Variants in ELOVL4 observed in about 807,000 individuals in gnomAD.
The protein encoded by ELOVL4 is ELOVL fatty acid elongase 4, also known as very long chain fatty acid elongase 4.
In ELOVL4, 18 loss-of-function variants were observed where a neutral mutation model predicts 42.1. That is an observed-to-expected ratio of 0.43 (90% CI 0.30 to 0.63). The LOEUF (loss-of-function observed/expected upper bound fraction) is 0.63, where lower values mean the gene tolerates loss of function less well. ELOVL4 is among the 30% of genes least tolerant of loss of function. The pLI is 0.15. For missense variants in ELOVL4, 299 were observed against 376.2 expected, an observed-to-expected ratio of 0.79 and a Z score of 1.70; for synonymous variants, 117 against 127.0, an observed-to-expected ratio of 0.92 and a Z score of 0.53.
At chr6:79,933,193 G>A (rs1488712045) in intron 1 of ELOVL4, among the ~76,000 whole-genome samples, 1 of 152,078 alleles carries the variant, frequency 6.6e-6, no homozygotes, top group Non-Finnish European at 1.5e-5. Context: ...AATTTATCAT[G>A]TAGATAATGA....
chr6:79,936,725 T>C (rs966630336), intron 1 of ELOVL4, among the ~76,000 whole-genome samples: 1 of 152,218 alleles, frequency 6.6e-6, no homozygotes, highest in Non-Finnish European at 1.5e-5. Flanking sequence ...AATGTGATGC[T>C]TAATATATTC....
At chr6:79,942,419 T>G (rs1422255961) in intron 1 of ELOVL4, among the ~76,000 whole-genome samples, 1 of 152,168 alleles carries the variant, frequency 6.6e-6, no homozygotes, top group African/African-American at 2.4e-5. Flanking sequence ...AAAGATAGAC[T>G]GTTACACTAC....
At chr6:79,926,454 A>G in intron 1 of ELOVL4, 73 bp from the exon 2 acceptor site, 1 of 1,434,836 alleles carries the variant, frequency 7.0e-7, no homozygotes, top group Non-Finnish European at 9.6e-7. Flanking sequence ...TTTAGGAATC[A>G]AGATGTTTCA....
chr6:79,927,963 C>T (rs1774372034), intron 1 of ELOVL4, among the ~76,000 whole-genome samples: 1 of 152,068 alleles, frequency 6.6e-6, no homozygotes, highest in African/African-American at 2.4e-5. Context: ...CGTTGTGCCA[C>T]GAAGGTCTTA....
rs112603620 is a variant in ELOVL4 at position 79,917,548 on chromosome 6, G to A, written c.670-665C>T. Among the ~76,000 whole-genome samples, 716 of 152,284 alleles carry A rather than the reference G, an allele frequency of 4.7e-3. 10 individuals carry two copies. The highest frequency in any genetic ancestry group is 0.016 in the African/African-American group (680 of 41,554). ...AACTAATATTTTGATGGCCAGGTGC[G>A]ATGGCTCATGCCTGCAATCCCAGCA... On this transcript the variant is annotated intron_variant, in intron 5 of 5. Transcript: ENST00000369816.
intron 3 of ELOVL4, 44 bp downstream of exon 3, chr6:79,924,908 A>C (rs1774318799): frequency 7.8e-7 from 1 of 1,289,570 alleles, no homozygotes. Context: ...GCCTATAAAA[A>C]TCAAACCACT....
chr6:79,939,565 C>T (rs1774608369), intron 1 of ELOVL4, among the ~76,000 whole-genome samples: 1 of 151,364 alleles, frequency 6.6e-6, no homozygotes, highest in South Asian at 2.1e-4. Context: ...ACTCTGTCAC[C>T]CAGGCTGGAG....
At chr6:79,930,246 T>C (rs1213742219) in intron 1 of ELOVL4, among the ~76,000 whole-genome samples, 3 of 152,172 alleles carry the variant, frequency 2.0e-5, no homozygotes, top group African/African-American at 7.2e-5. Flanking sequence ...CAACAACCAC[T>C]TAACAAATCC....
intron 1 of ELOVL4, among the ~76,000 whole-genome samples, chr6:79,936,869 G>A (rs1480566474): frequency 6.6e-6 from 1 of 152,210 alleles, no homozygotes; most frequent in Non-Finnish European, 1.5e-5. Context: ...CCTGAAGGTG[G>A]TGGGTGAAGA....
intron 2 of ELOVL4, 89 bp from the exon 3 acceptor site, chr6:79,925,121 T>G (rs370193604): frequency 7.7e-5 from 67 of 870,480 alleles, no homozygotes; most frequent in African/African-American, 3.5e-4. Context: ...CCTTTCAAAT[T>G]ATTTTAAACA....
chr6:79,938,636 T>G (rs550920103), intron 1 of ELOVL4, among the ~76,000 whole-genome samples: 3 of 152,362 alleles, frequency 2.0e-5, no homozygotes, highest in African/African-American at 7.2e-5. Context: ...TCTACATATA[T>G]TCACATATTT....
At chr6:79,921,534 T>G in intron 4 of ELOVL4, 91 bp downstream of exon 4, 1 of 962,722 alleles carries the variant, frequency 1.0e-6, no homozygotes, top group African/African-American at 1.7e-5. Flanking sequence ...AGTTAAATGG[T>G]AGATCAAGTC....
rs1384800357 is a variant in ELOVL4 at position 79,926,499 on chromosome 6, T to TG, written c.101-119dup. ...CCTAATTTGACTAAATACGGATCAC[T>TG]GTCCTTTGAGTCCCAACAAAAAATA... On this transcript the variant is annotated intron_variant, in intron 1 of 5. Coordinates refer to ENST00000369816, the MANE Select transcript of ELOVL4 (RefSeq NM_022726.4). 5.0e-6 allele frequency: 5 copies of TG among 1,007,932 alleles called. No individual in the cohort carries two copies. The African/African-American group carries it at 8.1e-5, about 16-fold the overall frequency. The allele number at this position is 1,007,932 out of a possible 1,614,324, so 62.4% of individuals were successfully genotyped here. A position where few individuals can be genotyped will look rare whatever the true frequency, so the allele number is the denominator to read the frequency against.
intron 5 of ELOVL4, among the ~76,000 whole-genome samples, chr6:79,918,983 T>A (rs75272436): frequency 0.011 from 1,721 of 152,228 alleles, 29 homozygotes; most frequent in African/African-American, 0.039. Flanking sequence ...ATATGAGATA[T>A]GTTAAAGACT....
chr6:79,921,251 A>G (rs1329082711), intron 4 of ELOVL4, among the ~76,000 whole-genome samples: 3 of 151,868 alleles, frequency 2.0e-5, no homozygotes, highest in South Asian at 4.2e-4. Flanking sequence ...CACAAGGTCA[A>G]GAGATCGAGA....
chr6:79,941,836 A>G (rs892729151), intron 1 of ELOVL4, among the ~76,000 whole-genome samples: 6 of 152,244 alleles, frequency 3.9e-5, no homozygotes, highest in South Asian at 2.1e-4. Context: ...ATCAACAAAT[A>G]TATGTGATAA....
chr6:79,934,635 T>G (rs1774512792), intron 1 of ELOVL4, among the ~76,000 whole-genome samples: 2 of 152,028 alleles, frequency 1.3e-5, no homozygotes, highest in South Asian at 4.1e-4. Flanking sequence ...ACCTAGAGAG[T>G]TCTATATTCT....
chr6:79,922,922 T>A (rs142163358), intron 3 of ELOVL4, among the ~76,000 whole-genome samples: 18 of 152,322 alleles, frequency 1.2e-4, no homozygotes, highest in Admixed American at 1.2e-3. Flanking sequence ...AAAAATGATA[T>A]GAATTGGTTG....
chr6:79,919,480 T>G lies in ELOVL4; in HGVS notation c.609A>C (p.Ala203=), dbSNP rs1257467209. Residue 203 remains alanine, a synonymous_variant, in exon 5 of 6, where the codon GCA becomes GCC. Coordinates refer to ENST00000369816, the MANE Select transcript of ELOVL4 (RefSeq NM_022726.4). ...VIMYSYYGLT[A]FGPWIQKYLW... is the part of the protein sequence containing the mutation. ...GATATTTCTGAATCCATGGGCCAAATGCAGTTAACCCATAGTATGAGTACA... is the reference window on the plus strand; with the variant it reads ...GATATTTCTGAATCCATGGGCCAAAGGCAGTTAACCCATAGTATGAGTACA... 1 of 1,613,746 alleles carries G rather than the reference T, an allele frequency of 6.2e-7. No homozygotes were observed. Among genetic ancestry groups the G allele is most frequent in the East Asian group, 2.2e-5 (1 of 44,798 alleles).
Sources: gnomAD v4.1 joint callset for allele counts (sites outside exome capture counted in the v4.1 genomes callset) on GRCh38, gnomAD v4.1.1 for gene constraint, MANE v1.5 for transcripts, NCBI Gene and HGNC (gene_info 2026-07-23, HGNC 2026-07-21) for gene names.